Variants in FHIT observed in about 807,000 individuals in gnomAD.
FHIT encodes the protein fragile histidine triad diadenosine triphosphatase, also known as bis(5'-adenosyl)-triphosphatase.
In FHIT, 19 loss-of-function variants were observed where a neutral mutation model predicts 17.9. The ratio of observed to expected loss-of-function variants is 1.06; its 90% CI spans 0.74 to 1.56. The LOEUF (loss-of-function observed/expected upper bound fraction) is 1.56, where lower values mean the gene tolerates loss of function less well. FHIT is among the 40% of genes most tolerant of loss of function. FHIT has a pLI of 0.00. For missense variants in FHIT, 248 were observed against 189.2 expected, an observed-to-expected ratio of 1.31 and a Z score of -1.82; for synonymous variants, 81 against 69.7, an observed-to-expected ratio of 1.16 and a Z score of -0.81.
chr3:60,122,318 A>G (rs1446934350), intron 5 of FHIT, among the ~76,000 whole-genome samples: 2 of 152,188 alleles, frequency 1.3e-5, no homozygotes, highest in African/African-American at 4.8e-5. Context: ...GGGGCAAAGC[A>G]GGGAATTGTG....
chr3:60,593,302 A>G (rs1553665051), intron 4 of FHIT, among the ~76,000 whole-genome samples: 2 of 152,170 alleles, frequency 1.3e-5, no homozygotes, highest in African/African-American at 4.8e-5. Flanking sequence ...ATTACTGTAG[A>G]TTGATATTGT....
intron 5 of FHIT, among the ~76,000 whole-genome samples, chr3:60,457,018 T>G (rs189991012): frequency 2.6e-5 from 4 of 152,126 alleles, no homozygotes; most frequent in Admixed American, 6.6e-5. Context: ...AGGTAATTTA[T>G]AGATTCAATG....
At chr3:60,543,644 A>G (rs996969786) in intron 4 of FHIT, among the ~76,000 whole-genome samples, 8 of 152,146 alleles carry the variant, frequency 5.3e-5, no homozygotes, top group East Asian at 1.9e-4. Flanking sequence ...GTTACTCCCA[A>G]TACAGCAGAA....
intron 4 of FHIT, among the ~76,000 whole-genome samples, chr3:60,713,102 T>C (rs1236866934): frequency 3.9e-5 from 6 of 151,956 alleles, no homozygotes; most frequent in Non-Finnish European, 8.8e-5. Context: ...GCAATCAAAG[T>C]AGAACTCAGG....
intron 7 of FHIT, among the ~76,000 whole-genome samples, chr3:59,970,547 T>C (rs940110051): frequency 2.8e-4 from 42 of 152,112 alleles, no homozygotes; most frequent in African/African-American, 1.0e-3. Flanking sequence ...AGGGTTGGCT[T>C]ACAACTAAGA....
At chr3:61,248,769 T>C (rs1436631542) in intron 1 of FHIT, among the ~76,000 whole-genome samples, 2 of 152,092 alleles carry the variant, frequency 1.3e-5, no homozygotes, top group African/African-American at 4.8e-5. Flanking sequence ...GGATACCAAA[T>C]AGAAAAGCAT....
chr3:60,226,402 G>T (rs548698653), intron 5 of FHIT, among the ~76,000 whole-genome samples: 22 of 150,872 alleles, frequency 1.5e-4, no homozygotes, highest in African/African-American at 5.4e-4. Flanking sequence ...AACCCGGGAG[G>T]CGGAGGTTGC....
intron 7 of FHIT, among the ~76,000 whole-genome samples, chr3:59,995,922 ACT>A (rs1174824424): frequency 1.3e-5 from 2 of 152,018 alleles, no homozygotes; most frequent in African/African-American, 2.4e-5. Context: ...TTTTCCTCGG[ACT>A]CTCTGATCAG....
chr3:60,983,458 A>G (rs1363979226), intron 3 of FHIT, among the ~76,000 whole-genome samples: 1 of 152,080 alleles, frequency 6.6e-6, no homozygotes, highest in Non-Finnish European at 1.5e-5. Flanking sequence ...TAAGAAGGAG[A>G]TGAATTCCAG....
In FHIT at chr3:60,394,495, T is replaced by C. The variant is rs189131472; in HGVS notation, c.103+142365A>G. 1.7e-4 allele frequency among the ~76,000 whole-genome samples: 26 copies of C among 152,240 alleles called. No homozygotes were observed. The East Asian group carries it at 4.3e-3, about 25-fold the overall frequency. On this transcript the variant is annotated intron_variant, in intron 5 of 9. Coordinates refer to ENST00000492590, the MANE Select transcript of FHIT (RefSeq NM_002012.4). The stretch of plus-strand genomic sequence containing the variant: ...TCAAGAGGACTGAAAGCAGGAAGAA[T>C]GCTTTGGCACAGAAGGGGAAAGGAT...
chr3:60,130,672 T>C lies in FHIT; in HGVS notation c.104-116520A>G, dbSNP rs552256862. ...CCCACATTGTTGAAAAATTATTTCCTTTCCAAAAATTACTTGAAAGGGCAT... is the reference window on the plus strand; with the variant it reads ...CCCACATTGTTGAAAAATTATTTCCCTTCCAAAAATTACTTGAAAGGGCAT... On this transcript the variant is annotated intron_variant, in intron 5 of 9. Transcript: ENST00000492590. Among the ~76,000 whole-genome samples, 705 of 152,126 alleles carry C rather than the reference T, an allele frequency of 4.6e-3. 1 individual carries two copies. The highest frequency in any genetic ancestry group is 8.1e-3 in the Non-Finnish European group (551 of 68,008).
At chr3:60,386,392 A>G (rs1279751713) in intron 5 of FHIT, among the ~76,000 whole-genome samples, 1 of 152,182 alleles carries the variant, frequency 6.6e-6, no homozygotes, top group Non-Finnish European at 1.5e-5. Flanking sequence ...TTCAACAATA[A>G]TGACAAGGCA....
chr3:59,846,569 G>A (rs759876523), intron 8 of FHIT, among the ~76,000 whole-genome samples: 6 of 151,966 alleles, frequency 3.9e-5, no homozygotes, highest in Admixed American at 2.0e-4. Context: ...TTAAAAATCC[G>A]TTATTCTCTT....
At chr3:60,655,453 G>A (rs1330788867) in intron 4 of FHIT, among the ~76,000 whole-genome samples, 2 of 152,158 alleles carry the variant, frequency 1.3e-5, no homozygotes, top group Non-Finnish European at 2.9e-5. Context: ...GAGGAATAGC[G>A]AATAAAGTAT....
intron 5 of FHIT, among the ~76,000 whole-genome samples, chr3:60,058,146 T>G (rs960277499): frequency 1.2e-3 from 170 of 138,246 alleles, no homozygotes; most frequent in Non-Finnish European, 2.3e-3. Context: ...TTTTTTTTTT[T>G]TTTTTTTTTT....
intron 7 of FHIT, among the ~76,000 whole-genome samples, chr3:59,929,382 T>C (rs1705847581): frequency 2.1e-5 from 3 of 141,210 alleles, no homozygotes; most frequent in Non-Finnish European, 4.6e-5. Context: ...TTTTTTTTTT[T>C]TTTTTTGAGA....
intron 5 of FHIT, among the ~76,000 whole-genome samples, chr3:60,068,784 A>G (rs1702631062): frequency 6.6e-6 from 1 of 152,256 alleles, no homozygotes; most frequent in Non-Finnish European, 1.5e-5. Flanking sequence ...AAAACAGGCA[A>G]AGAAGAAACA....
intron 8 of FHIT, among the ~76,000 whole-genome samples, chr3:59,886,541 G>C (rs528889568): frequency 1.3e-5 from 2 of 152,300 alleles, no homozygotes; most frequent in Admixed American, 1.3e-4. Flanking sequence ...AAGGGTGAAG[G>C]GGGGCTGTGT....
At chr3:60,060,441 C>T (rs921812390) in intron 5 of FHIT, among the ~76,000 whole-genome samples, 12 of 152,190 alleles carry the variant, frequency 7.9e-5, no homozygotes, top group Admixed American at 2.6e-4. Flanking sequence ...TTTCTAAGAA[C>T]TTTCTCCAAA....
Sources: allele counts gnomAD v4.1 joint callset (sites outside exome capture counted in the v4.1 genomes callset), GRCh38; gene constraint gnomAD v4.1.1; transcripts MANE v1.5; gene names NCBI Gene and HGNC (gene_info 2026-07-23, HGNC 2026-07-21).